KIF21B: variants seen among roughly 807,000 people sequenced by gnomAD.
The protein encoded by KIF21B is kinesin-like protein KIF21B.
In KIF21B, 85 loss-of-function variants were observed where a neutral mutation model predicts 192.9. The observed-to-expected ratio is 0.44, with a 90% confidence interval of 0.37 to 0.53. The LOEUF (loss-of-function observed/expected upper bound fraction) is 0.53, where lower values mean the gene tolerates loss of function less well. KIF21B is among the 20% of genes least tolerant of loss of function. The probability of loss-of-function intolerance (pLI) is 0.00; values close to 1 mark genes in which losing one functional copy is unlikely to be tolerated. For missense variants in KIF21B, 1,716 were observed against 2,194.8 expected (o/e 0.78, Z 4.36); for synonymous variants, 832 against 884.6 (o/e 0.94, Z 1.05).
chr1:201,007,369 CACAGAGACAGAG>C (rs1558023612), intron 3 of KIF21B, among the ~76,000 whole-genome samples: 2 of 93,022 alleles, frequency 2.2e-5, no homozygotes, highest in Admixed American at 9.2e-5. Flanking sequence ...CACACACACA[CACAGAGACAGAG>C]ACACACAGAC....
At position 200,988,337 on chromosome 1, in the gene KIF21B, T is replaced by C. The variant is rs1656438545; in HGVS notation, c.3367A>G (p.Thr1123Ala). 2 of 1,613,964 alleles carry C rather than the reference T, an allele frequency of 1.2e-6. No individual in the cohort carries two copies. Among genetic ancestry groups the C allele is most frequent in the Non-Finnish European group, 1.7e-6 (2 of 1,180,010 alleles). ...TCATGGCTGGTGGAGCCTTTCATGG[T>C]GAATGACTGGGAGAAGCTGAGGAAG... ...FSEGSFSQSF[T>A]MKGSTSHDDF... Residue 1123 changes from threonine (T) to alanine (A), a missense_variant, in exon 24 of 35, where the codon ACC becomes GCC. Around this residue, in one of 3 missense-constraint regions of KIF21B, gnomAD observed 580 missense variants for 775.5 expected, o/e 0.75. Transcript: ENST00000461742.
chr1:201,002,471 C>A (rs751659488), intron 8 of KIF21B, 121 bp from the exon 9 acceptor site: 7 of 820,642 alleles, frequency 8.5e-6, no homozygotes, highest in African/African-American at 1.7e-5. Context: ...GGCGCATCAC[C>A]AGTCTCCCCT....
At position 200,974,124 on chromosome 1, in the gene KIF21B, T is replaced by C; in HGVS notation, c.4815-546A>G. The C allele has an allele frequency of 6.2e-7, 1 of 1,604,922 alleles. No homozygotes were observed. Among genetic ancestry groups the C allele is most frequent in the Non-Finnish European group, 8.5e-7 (1 of 1,176,564 alleles). The stretch of plus-strand genomic sequence containing the variant: ...GGCAGGGTGGTGGCGCGGCCCTTTA[T>C]GGCCAGGACTCGGCGAGGAAGGCAG... On this transcript the variant is annotated intron_variant, in intron 34 of 34. Coordinates refer to ENST00000461742, the MANE Select transcript of KIF21B (RefSeq NM_001252102.2).
At chr1:201,020,644 G>A (rs1353199197) in intron 1 of KIF21B, among the ~76,000 whole-genome samples, 1 of 152,166 alleles carries the variant, frequency 6.6e-6, no homozygotes, top group Admixed American at 6.5e-5. Flanking sequence ...CTGAGCCCCA[G>A]GTCCTGAAAG....
intron 3 of KIF21B, among the ~76,000 whole-genome samples, chr1:201,007,547 CCCACACACAAACACA>C (rs1223708228): frequency 1.1e-4 from 17 of 150,198 alleles, no homozygotes; most frequent in Middle Eastern, 3.5e-3. Flanking sequence ...CACACAGACA[CCCACACACAAACACA>C]GAGACACACA....
intron 9 of KIF21B, 137 bp downstream of exon 9, chr1:201,002,024 G>T: frequency 1.4e-6 from 1 of 705,252 alleles, no homozygotes; most frequent in Non-Finnish European, 2.4e-6. Flanking sequence ...TTAAAATCAA[G>T]TGAAAAAAAA....
intron 1 of KIF21B, among the ~76,000 whole-genome samples, chr1:201,020,331 A>G (rs909975917): frequency 1.3e-5 from 2 of 152,074 alleles, no homozygotes; most frequent in Non-Finnish European, 2.9e-5. Context: ...TGTCAGGCCT[A>G]TATCTCTGCA....
In KIF21B at chr1:201,000,694, C is replaced by A; in HGVS notation, c.1466+23G>T. On this transcript the variant is annotated intron_variant, in intron 10 of 34. Coordinates refer to ENST00000461742, the MANE Select transcript of KIF21B (RefSeq NM_001252102.2). The surrounding 1 kb of genome is among the most constrained non-coding windows in gnomAD (Gnocchi z 6.0). ...GGCCGAGGCCCCCAGCCCGCGCACACCTGCCGGAGCTCACTCACTCACCGT... is the reference window on the plus strand; with the variant it reads ...GGCCGAGGCCCCCAGCCCGCGCACAACTGCCGGAGCTCACTCACTCACCGT... 1 of 1,614,128 alleles carries A rather than the reference C, an allele frequency of 6.2e-7. No homozygotes were observed. Among genetic ancestry groups the A allele is most frequent in the Non-Finnish European group, 8.5e-7 (1 of 1,179,992 alleles).
At chr1:201,003,225 C>A in intron 8 of KIF21B, 1 of 335,344 alleles carries the variant, frequency 3.0e-6, no homozygotes. Context: ...CGATTCTGTG[C>A]CAGTCTAGCA....
intron 30 of KIF21B, among the ~76,000 whole-genome samples, chr1:200,977,739 T>A (rs1655651356): frequency 6.6e-6 from 1 of 151,800 alleles, no homozygotes; most frequent in African/African-American, 2.4e-5. Flanking sequence ...TTTACTATTT[T>A]TTTTTTTTTT....
At chr1:201,004,976 C>A in intron 5 of KIF21B, 43 bp from the exon 6 acceptor site, 1 of 1,573,540 alleles carries the variant, frequency 6.4e-7, no homozygotes, top group South Asian at 1.2e-5. Context: ...CCTCGCCCAC[C>A]TCACTGGCTC....
chr1:201,012,942 A>G (rs988923869), intron 1 of KIF21B, among the ~76,000 whole-genome samples: 2 of 152,164 alleles, frequency 1.3e-5, no homozygotes, highest in East Asian at 3.9e-4. Flanking sequence ...CGCCCAGCTG[A>G]AAACTCTTAA....
chr1:200,981,935 C>A (rs769271566), intron 28 of KIF21B, among the ~76,000 whole-genome samples: 4 of 152,146 alleles, frequency 2.6e-5, no homozygotes, highest in Non-Finnish European at 5.9e-5. Context: ...TGGGATGAGA[C>A]CCTGGCTGAG....
Position 200,976,520 on chromosome 1 carries a change from A to G in KIF21B, c.4443+256T>C, listed in dbSNP as rs569199536. Among the ~76,000 whole-genome samples, 29 of 152,342 alleles carry G rather than the reference A, an allele frequency of 1.9e-4. No homozygotes were observed. The South Asian group carries it at 5.4e-3, about 28-fold the overall frequency. Reference sequence around the variant, plus strand: ...CATTTTAATAGCTGCAATGCATCCCATTTAGTGGATTTTCCATAATTTGAT... The same window carrying G: ...CATTTTAATAGCTGCAATGCATCCCGTTTAGTGGATTTTCCATAATTTGAT... On this transcript the variant is annotated intron_variant, in intron 32 of 34. Coordinates refer to ENST00000461742, the MANE Select transcript of KIF21B (RefSeq NM_001252102.2).
At chr1:201,008,646 C>T (rs1000723449) in intron 3 of KIF21B, 123 bp downstream of exon 3, 11 of 912,494 alleles carry the variant, frequency 1.2e-5, no homozygotes, top group Non-Finnish European at 1.7e-5. Context: ...GCAGGGAACT[C>T]ATCACCTGGA....
chr1:200,974,520 C>T (rs940723307), intron 34 of KIF21B, among the ~76,000 whole-genome samples, 194 bp downstream of exon 34: 5 of 152,114 alleles, frequency 3.3e-5, no homozygotes, highest in South Asian at 2.1e-4. Flanking sequence ...CCCTGCCTAG[C>T]GCAGTGCCCA....
intron 15 of KIF21B, 72 bp downstream of exon 15, chr1:200,996,124 A>G: frequency 2.9e-6 from 4 of 1,398,320 alleles, no homozygotes; most frequent in South Asian, 1.2e-5. Flanking sequence ...GATTATTTTT[A>G]CGATGGTGAG....
At chr1:201,008,736 C>T in intron 3 of KIF21B, 33 bp downstream of exon 3, 1 of 1,549,242 alleles carries the variant, frequency 6.5e-7, no homozygotes, top group Non-Finnish European at 8.7e-7. Context: ...TCCACCAAGC[C>T]TCCCACCTGC....
Position 200,998,258 on chromosome 1 carries a change from A to C in KIF21B, c.2077+126T>G. On this transcript the variant is annotated intron_variant, in intron 14 of 34. Coordinates refer to ENST00000461742, the MANE Select transcript of KIF21B (RefSeq NM_001252102.2). The surrounding 1 kb of genome is among the most constrained non-coding windows in gnomAD (Gnocchi z 4.3). ...ACTGTGGGTCAAAGGACCACAGTCA[A>C]AGGTTGGGAAGTCCCTTGCCTAGAA... 2 of 850,666 alleles carry C rather than the reference A, an allele frequency of 2.4e-6. 1 individual carries two copies. Among genetic ancestry groups the C allele is most frequent in the South Asian group, 3.3e-5 (2 of 60,540 alleles). 52.7% of individuals were successfully genotyped at this position (850,666 alleles called of 1,614,324 possible).
Sources: allele counts gnomAD v4.1 joint callset (sites outside exome capture counted in the v4.1 genomes callset), GRCh38; gene constraint gnomAD v4.1.1; regional missense constraint gnomAD v4.1.1; non-coding constraint Gnocchi (gnomAD v3.1); transcripts MANE v1.5; gene names NCBI Gene and HGNC (gene_info 2026-07-23, HGNC 2026-07-21).